TMEM132D: variants seen among roughly 807,000 people sequenced by gnomAD.
TMEM132D encodes the protein mature OL transmembrane protein.
In TMEM132D, 21 loss-of-function variants were observed where a neutral mutation model predicts 62.3. The ratio of observed to expected loss-of-function variants is 0.34; its 90% CI spans 0.24 to 0.49. TMEM132D has a LOEUF of 0.49. Among genes scored for constraint, TMEM132D ranks in the 20% least tolerant of loss-of-function variants. The pLI, the probability that TMEM132D is intolerant of heterozygous loss-of-function variation, is 0.99. For synonymous variants in TMEM132D, 621 were observed against 575.6 expected, an observed-to-expected ratio of 1.08 and a Z score of -1.13; for missense variants, 1,346 against 1,402.8, an observed-to-expected ratio of 0.96 and a Z score of 0.65.
chr12:129,693,095 A>G (rs1881102335), intron 2 of TMEM132D, among the ~76,000 whole-genome samples: 2 of 152,324 alleles, frequency 1.3e-5, no homozygotes, highest in South Asian at 4.1e-4. Flanking sequence ...TCTCAACTTC[A>G]TAAAGAACAT....
chr12:129,154,179 G>T lies in TMEM132D; in HGVS notation c.1443+55341C>A, dbSNP rs554430717. On this transcript the variant is annotated intron_variant, in intron 5 of 8. Transcript: ENST00000422113. The stretch of plus-strand genomic sequence containing the variant: ...GAAGATCCAGTGAAGGGGAGTGAAT[G>T]TGAGGTGGTGCATTTGTGGGATGAC... 4.6e-5 allele frequency among the ~76,000 whole-genome samples: 7 copies of T among 152,266 alleles called. No individual in the cohort carries two copies. The East Asian group carries it at 1.4e-3, about 29-fold the overall frequency.
chr12:129,481,921 G>A (rs2137053972), intron 3 of TMEM132D, among the ~76,000 whole-genome samples: 1 of 152,332 alleles, frequency 6.6e-6, no homozygotes, highest in South Asian at 2.1e-4. Context: ...GCTTGGCCGT[G>A]AGGCCTGCGT....
At chr12:129,184,824 T>A (rs1593288808) in intron 5 of TMEM132D, among the ~76,000 whole-genome samples, 1 of 150,902 alleles carries the variant, frequency 6.6e-6, no homozygotes, top group East Asian at 2.0e-4. Flanking sequence ...AGAAATGTGA[T>A]ATTCTGGGTT....
chr12:129,535,472 C>T (rs891620336), intron 2 of TMEM132D, among the ~76,000 whole-genome samples: 1 of 152,186 alleles, frequency 6.6e-6, no homozygotes, highest in South Asian at 2.1e-4. Context: ...GATGTGTCAG[C>T]CTCCTAAAGT....
intron 2 of TMEM132D, among the ~76,000 whole-genome samples, chr12:129,614,494 T>G (rs2137154253): frequency 6.6e-6 from 1 of 152,348 alleles, no homozygotes; most frequent in Middle Eastern, 3.4e-3. Flanking sequence ...ATGCAATCAC[T>G]CTGCTATAAT....
At chr12:129,373,885 A>C (rs1462570489) in intron 3 of TMEM132D, among the ~76,000 whole-genome samples, 2 of 152,176 alleles carry the variant, frequency 1.3e-5, no homozygotes, top group African/African-American at 4.8e-5. Flanking sequence ...TCGATTTCCC[A>C]TTCTTTCCTT....
chr12:129,313,254 T>C (rs1284924628), intron 4 of TMEM132D, among the ~76,000 whole-genome samples: 1 of 152,166 alleles, frequency 6.6e-6, no homozygotes. Context: ...TTGTGAGATT[T>C]TGGTGCACCC....
At chr12:129,194,587 C>G (rs1482941973) in intron 5 of TMEM132D, among the ~76,000 whole-genome samples, 1 of 152,168 alleles carries the variant, frequency 6.6e-6, no homozygotes, top group African/African-American at 2.4e-5. Context: ...AACAAACCTT[C>G]ACGTGTACCC....
chr12:129,316,277 G>C (rs1052745514), intron 4 of TMEM132D, among the ~76,000 whole-genome samples: 1 of 152,020 alleles, frequency 6.6e-6, no homozygotes, highest in Non-Finnish European at 1.5e-5. Flanking sequence ...TGATGTAGGC[G>C]TTTAGGGTTA....
intron 1 of TMEM132D, among the ~76,000 whole-genome samples, chr12:129,706,035 A>T (rs1881498965): frequency 6.6e-6 from 1 of 152,112 alleles, no homozygotes; most frequent in African/African-American, 2.4e-5. Context: ...TAGTGGGAAG[A>T]ACTGAGGAGA....
At chr12:129,165,574 T>C (rs1446567003) in intron 5 of TMEM132D, among the ~76,000 whole-genome samples, 1 of 152,164 alleles carries the variant, frequency 6.6e-6, no homozygotes, top group Non-Finnish European at 1.5e-5. Flanking sequence ...GTCTCTACCC[T>C]GTTTCTCTAA....
intron 1 of TMEM132D, among the ~76,000 whole-genome samples, chr12:129,720,306 C>T (rs1021393170): frequency 7.9e-5 from 12 of 152,236 alleles, no homozygotes; most frequent in Admixed American, 5.2e-4. Context: ...AAGAAATTCA[C>T]GGAGAGGCAG....
intron 4 of TMEM132D, among the ~76,000 whole-genome samples, chr12:129,328,698 C>T (rs759627914): frequency 2.0e-5 from 3 of 152,074 alleles, no homozygotes; most frequent in Admixed American, 6.5e-5. Context: ...TTTATGAGTA[C>T]ACCTCCTTGC....
chr12:129,147,227 T>C lies in TMEM132D; in HGVS notation c.1443+62293A>G, dbSNP rs865853319. 6.4e-4 allele frequency among the ~76,000 whole-genome samples: 85 copies of C among 132,826 alleles called. 1 individual carries two copies. The highest frequency in any genetic ancestry group is 2.4e-3 in the African/African-American group (76 of 31,092). The allele number at this position is 132,826 out of a possible 152,430, so 87.1% of individuals were successfully genotyped here. On this transcript the variant is annotated intron_variant, in intron 5 of 8. Transcript: ENST00000422113. ...ATATGTATACACATATACACATGTG[T>C]ATGTATATATACATATGTTTATGTA...
At chr12:129,517,352 A>G (rs1036122243) in intron 3 of TMEM132D, among the ~76,000 whole-genome samples, 2 of 152,332 alleles carry the variant, frequency 1.3e-5, no homozygotes, top group African/African-American at 2.4e-5. Flanking sequence ...GTACATATTT[A>G]TCTATTAACA....
At chr12:129,573,694 AC>A (rs1877580979) in intron 2 of TMEM132D, among the ~76,000 whole-genome samples, 1 of 152,098 alleles carries the variant, frequency 6.6e-6, no homozygotes, top group Admixed American at 6.5e-5. Flanking sequence ...GAAAAAGCCC[AC>A]GTGTCCACCA....
At chr12:129,076,371 A>G (rs1242064076) in intron 8 of TMEM132D, among the ~76,000 whole-genome samples, 1 of 152,034 alleles carries the variant, frequency 6.6e-6, no homozygotes, top group Non-Finnish European at 1.5e-5. Flanking sequence ...TCCTCATAAC[A>G]CATCCTTTGT....
chr12:129,149,767 G>T (rs1013111627), intron 5 of TMEM132D, among the ~76,000 whole-genome samples: 1 of 152,214 alleles, frequency 6.6e-6, no homozygotes, highest in African/African-American at 2.4e-5. Context: ...GGGGGGCTGG[G>T]AGCCAACCAC....
intron 3 of TMEM132D, among the ~76,000 whole-genome samples, chr12:129,404,443 C>T (rs565592150): frequency 4.6e-5 from 7 of 152,234 alleles, no homozygotes; most frequent in East Asian, 1.9e-4. Flanking sequence ...GTGATTCACC[C>T]GCCTCAGCCT....
Sources: gnomAD v4.1 joint callset for allele counts (sites outside exome capture counted in the v4.1 genomes callset) on GRCh38, gnomAD v4.1.1 for gene constraint, MANE v1.5 for transcripts, NCBI Gene and HGNC (gene_info 2026-07-23, HGNC 2026-07-21) for gene names.